Variants in PCDHA5 observed in about 807,000 individuals in gnomAD.
PCDHA5 encodes the protein protocadherin alpha-5.
PCDHA5 carries 43 observed loss-of-function variants against 61.6 expected under a neutral mutation model. The observed-to-expected ratio is 0.70, with a 90% CI of 0.55 to 0.90. The LOEUF (loss-of-function observed/expected upper bound fraction) is 0.90. Among genes scored for constraint, PCDHA5 ranks in the 40% least tolerant of loss-of-function variants. The pLI is 0.00. For synonymous variants in PCDHA5, 627 were observed against 543.9 expected (o/e 1.15, Z -2.13); for missense variants, 1,298 against 1,222.7 (o/e 1.06, Z -0.92).
At chr5:140,979,244 T>C (rs1214932523) in intron 2 of PCDHA5, among the ~76,000 whole-genome samples, 1 of 152,224 alleles carries the variant, frequency 6.6e-6, no homozygotes, top group African/African-American at 2.4e-5. Context: ...AGAAACAGGC[T>C]GCTATGTATT....
Position 140,822,416 on chromosome 5 carries a change from C to G in PCDHA5, c.641C>G (p.Thr214Ser), listed in dbSNP as rs1767302575. ...GAACACCGTTTATTAGTGATTGCAA[C>G]TGATGGAGGAAAACCCGAACTAACA... ...TQEHRLLVIA[T>S]DGGKPELTGT... Residue 214 changes from threonine (T) to serine (S), a missense_variant, in exon 1 of 4, where the codon ACT becomes AGT. By Grantham distance (58) the Thr-to-Ser change is moderately conservative (BLOSUM62 1). Coordinates refer to ENST00000529859, the MANE Select transcript of PCDHA5 (RefSeq NM_018908.3). 1 of 1,614,024 alleles carries G rather than the reference C, an allele frequency of 6.2e-7. No individual in the cohort carries two copies.
intron 1 of PCDHA5, among the ~76,000 whole-genome samples, chr5:140,919,229 C>T (rs1163633473): frequency 1.1e-4 from 17 of 152,144 alleles, no homozygotes; most frequent in African/African-American, 3.9e-4. Flanking sequence ...TTTCTAGTAA[C>T]ACTTTTTGTC....
intron 1 of PCDHA5, among the ~76,000 whole-genome samples, chr5:140,881,159 T>A (rs1375537883): frequency 6.6e-6 from 1 of 152,188 alleles, no homozygotes; most frequent in Non-Finnish European, 1.5e-5. Context: ...AAAAGTAAGA[T>A]CCTCTTCCTC....
chr5:140,887,670 C>T (rs368430565), intron 1 of PCDHA5, among the ~76,000 whole-genome samples: 1 of 151,988 alleles, frequency 6.6e-6, no homozygotes, highest in Non-Finnish European at 1.5e-5. Context: ...GTGGATTTAT[C>T]ATTTTCATCA....
In PCDHA5 at chr5:140,903,563, T is replaced by C. The variant is rs1459855021; in HGVS notation, c.2353-75386T>C. ...CAAGAAACTTTTCTAATAAGTGGAA[T>C]TGGGAGCTGTCTAGCTGGTGTTGGC... On this transcript the variant is annotated intron_variant, in intron 1 of 3. Transcript: ENST00000529859. Among the ~76,000 whole-genome samples the C allele has an allele frequency of 2.6e-5, 4 of 152,208 alleles. No individual in the cohort carries two copies. In the East Asian group the frequency reaches 5.8e-4, roughly 22 times the overall value.
At chr5:140,876,963 G>T in intron 1 of PCDHA5, 4 of 1,613,068 alleles carry the variant, frequency 2.5e-6, no homozygotes, top group Non-Finnish European at 2.5e-6. Context: ...TGGTGGAGCG[G>T]CGGGTGGGCG....
intron 1 of PCDHA5, among the ~76,000 whole-genome samples, chr5:140,975,450 G>T (rs1175028711): frequency 6.6e-6 from 1 of 152,174 alleles, no homozygotes. Context: ...AGGGATCTTG[G>T]GGCCATCTTG....
intron 1 of PCDHA5, among the ~76,000 whole-genome samples, chr5:140,912,180 T>C (rs2075805933): frequency 6.6e-6 from 1 of 152,168 alleles, no homozygotes; most frequent in South Asian, 2.1e-4. Flanking sequence ...TGGCAGCTGA[T>C]TAGATTGTGC....
chr5:140,858,904 C>A (rs2045655579), intron 1 of PCDHA5: 1 of 197,854 alleles, frequency 5.1e-6, no homozygotes, highest in East Asian at 1.5e-4. Context: ...TGTAGCGTAC[C>A]ACAGCTTATA....
intron 1 of PCDHA5, among the ~76,000 whole-genome samples, chr5:140,890,883 G>T (rs1339331273): frequency 1.3e-5 from 2 of 152,064 alleles, no homozygotes; most frequent in Non-Finnish European, 2.9e-5. Flanking sequence ...CCTTTCATCA[G>T]GGATTATTGT....
At chr5:140,969,935 T>C (rs1490184904) in intron 1 of PCDHA5, among the ~76,000 whole-genome samples, 2 of 152,222 alleles carry the variant, frequency 1.3e-5, no homozygotes, top group Non-Finnish European at 2.9e-5. Context: ...TTAGACATCA[T>C]ACTGAAGCTA....
At chr5:140,940,499 G>T (rs190058542) in intron 1 of PCDHA5, among the ~76,000 whole-genome samples, 3 of 151,756 alleles carry the variant, frequency 2.0e-5, no homozygotes, top group Non-Finnish European at 4.4e-5. Flanking sequence ...GTCTTGCTCC[G>T]TCGCTCAGGC....
rs2150418084 is a variant in PCDHA5 at position 140,848,701 on chromosome 5, A to G, written c.2352+24574A>G. The G allele has an allele frequency of 3.1e-6, 5 of 1,592,360 alleles. 1 individual carries two copies. In the South Asian group the frequency reaches 4.4e-5, roughly 14 times the overall value. On this transcript the variant is annotated intron_variant, in intron 1 of 3. Transcript: ENST00000529859. Reference sequence around the variant, plus strand: ...CCGCGCCTGTTCCAGTTGGATTCCAAAGGCCGCGGGGACCTTCTGGAGGTA... The same window carrying G: ...CCGCGCCTGTTCCAGTTGGATTCCAGAGGCCGCGGGGACCTTCTGGAGGTA...
chr5:140,908,949 G>A (rs2074237561), intron 1 of PCDHA5, among the ~76,000 whole-genome samples: 1 of 152,144 alleles, frequency 6.6e-6, no homozygotes, highest in South Asian at 2.1e-4. Context: ...CTTCACCTTA[G>A]AAGGAATATC....
rs112376305 is a variant in PCDHA5, at chr5:140,821,957, G to T, written c.182G>T (p.Arg61Leu). 3 of 1,614,186 alleles carry T rather than the reference G, an allele frequency of 1.9e-6. No individual in the cohort carries two copies. The highest frequency in any genetic ancestry group is 2.5e-6 in the Non-Finnish European group (3 of 1,180,042). ...CTGGAGCTGGCGGAGCTGGTGCCGC[G>T]CCTGTTCCGGGTGGCGTCCAAGGGC... ...LGLELAELVP[R>L]LFRVASKGRG... The change falls in exon 1 of 4, where the codon CGC (arginine) becomes CTC (leucine). Residue 61 changes from arginine (R) to leucine (L), a missense_variant. Coordinates refer to ENST00000529859, the MANE Select transcript of PCDHA5 (RefSeq NM_018908.3).
At chr5:140,852,808 C>G in intron 1 of PCDHA5, 1 of 975,820 alleles carries the variant, frequency 1.0e-6, no homozygotes, top group Non-Finnish European at 1.2e-6. Context: ...TCATTTGTCT[C>G]CCGCCCTAAG....
At chr5:140,853,611 G>A in intron 1 of PCDHA5, 1 of 988,014 alleles carries the variant, frequency 1.0e-6, no homozygotes. Flanking sequence ...AGGGGGTGCT[G>A]TAAATAAGTA....
At chr5:140,952,261 C>T (rs246037) in intron 1 of PCDHA5, among the ~76,000 whole-genome samples, 85,112 of 150,858 alleles carry the variant, frequency 0.56, 24,616 homozygotes, top group African/African-American at 0.69. Flanking sequence ...GATTCCCATT[C>T]TGGGGTCTTG....
chr5:140,996,172 C>G (rs1694773459), intron 3 of PCDHA5, among the ~76,000 whole-genome samples: 1 of 152,210 alleles, frequency 6.6e-6, no homozygotes, highest in African/African-American at 2.4e-5. Flanking sequence ...AATGTGCTGA[C>G]AGCACCTCCA....
Sources: gnomAD v4.1 joint callset for allele counts (sites outside exome capture counted in the v4.1 genomes callset) on GRCh38, gnomAD v4.1.1 for gene constraint, MANE v1.5 for transcripts, NCBI Gene and HGNC (gene_info 2026-07-23, HGNC 2026-07-21) for gene names.